Variants in PLD5 observed in about 807,000 individuals in gnomAD.
PLD5 encodes the protein inactive phospholipase D5.
PLD5 carries 36 observed loss-of-function variants against 61.1 expected under a neutral mutation model. That is an observed-to-expected ratio of 0.59 (90% confidence interval 0.45 to 0.78). The LOEUF is 0.78. Among genes scored for constraint, PLD5 ranks in the 30% least tolerant of loss-of-function variants. The pLI, the probability that PLD5 is intolerant of heterozygous loss-of-function variation, is 0.00. For missense variants in PLD5, 515 were observed against 644.4 expected (o/e 0.80, Z 2.17); for synonymous variants, 243 against 242.8 (o/e 1.00, Z -0.01).
rs547350213 is a variant in PLD5, at chr1:242,349,744, T to G, written c.190-1502A>C. Among the ~76,000 whole-genome samples, 5 of 152,332 alleles carry G rather than the reference T, an allele frequency of 3.3e-5. No individual in the cohort carries two copies. In the South Asian group the frequency reaches 8.3e-4, roughly 25 times the overall value. ...GCTGTGACCACTGTGACAAATCATT[T>G]TGACTGCTACAGTCTGAATATTTGT... On this transcript the variant is annotated intron_variant, in intron 1 of 9. Coordinates refer to ENST00000536534, the MANE Select transcript of PLD5 (RefSeq NM_001372062.1).
At chr1:242,105,813 T>G (rs1661008736) in intron 8 of PLD5, among the ~76,000 whole-genome samples, 1 of 145,064 alleles carries the variant, frequency 6.9e-6, no homozygotes, top group African/African-American at 2.5e-5. Context: ...ATAAACTCTA[T>G]CATTAGAGAG....
chr1:242,129,042 A>G (rs1558251399), intron 5 of PLD5, among the ~76,000 whole-genome samples: 1 of 152,176 alleles, frequency 6.6e-6, no homozygotes, highest in Non-Finnish European at 1.5e-5. Flanking sequence ...AAGAATATTT[A>G]TGAACATTCT....
chr1:242,256,895 CTCTT>C lies in PLD5; in HGVS notation c.607+8438_607+8441del, dbSNP rs1222673669. ...TCTTTCTTTTCTCTCCCTCTTCTTT[CTCTT>C]TCTTTTTTCATCTATCTATCTATCT... is the stretch of plus-strand genomic sequence containing the variant. On this transcript the variant is annotated intron_variant, in intron 4 of 9. Coordinates refer to ENST00000536534, the MANE Select transcript of PLD5 (RefSeq NM_001372062.1). This position sits in a 1 kb window ranked among gnomAD's most constrained non-coding sequence, Gnocchi z 5.7. Among the ~76,000 whole-genome samples, 2 of 128,218 alleles carry C rather than the reference CTCTT, an allele frequency of 1.6e-5. No individual in the cohort carries two copies. The highest frequency in any genetic ancestry group is 3.3e-5 in the African/African-American group (1 of 30,418). The allele number at this position is 128,218 out of a possible 152,430, so 84.1% of individuals were successfully genotyped here.
chr1:242,329,520 C>T (rs892716131), intron 2 of PLD5, among the ~76,000 whole-genome samples: 3 of 152,136 alleles, frequency 2.0e-5, no homozygotes, highest in South Asian at 2.1e-4. Context: ...AGGTGATCCA[C>T]GGGACACTAC....
chr1:242,116,779 G>C (rs1469970635), intron 6 of PLD5, among the ~76,000 whole-genome samples: 1 of 152,128 alleles, frequency 6.6e-6, no homozygotes, highest in Non-Finnish European at 1.5e-5. Context: ...ATTCCATGGT[G>C]CATATGTACC....
chr1:242,364,758 G>A (rs1169135658), intron 1 of PLD5, among the ~76,000 whole-genome samples: 1 of 152,116 alleles, frequency 6.6e-6, no homozygotes, highest in African/African-American at 2.4e-5. Context: ...GAAGAGAAGA[G>A]AAGGGCTTTA....
intron 3 of PLD5, among the ~76,000 whole-genome samples, chr1:242,284,261 CT>C (rs1293036517): frequency 2.0e-5 from 3 of 151,124 alleles, no homozygotes; most frequent in African/African-American, 4.9e-5. Context: ...TTTCAGCCTC[CT>C]GGGTAGCTGG....
chr1:242,345,160 A>G (rs1367307037), intron 2 of PLD5, among the ~76,000 whole-genome samples: 1 of 152,192 alleles, frequency 6.6e-6, no homozygotes, highest in East Asian at 1.9e-4. Context: ...CACCCACTGC[A>G]GTTGTGACCA....
chr1:242,107,562 C>T (rs1353392854), intron 8 of PLD5, 109 bp downstream of exon 8: 31 of 1,053,104 alleles, frequency 2.9e-5, no homozygotes, highest in Non-Finnish European at 3.8e-5. Flanking sequence ...TGAAGATTGC[C>T]GTCCTGGTTC....
chr1:242,243,690 G>A (rs1262991709), intron 4 of PLD5, among the ~76,000 whole-genome samples: 1 of 152,150 alleles, frequency 6.6e-6, no homozygotes, highest in East Asian at 1.9e-4. Context: ...GCCAGATCCT[G>A]TCCAACTTGG....
intron 1 of PLD5, among the ~76,000 whole-genome samples, chr1:242,484,897 G>T (rs1184575002): frequency 6.6e-6 from 1 of 152,134 alleles, no homozygotes; most frequent in Non-Finnish European, 1.5e-5. Flanking sequence ...ATGCAAGGCT[G>T]GTTTAACATG....
At chr1:242,508,088 G>A (rs1044869544) in intron 1 of PLD5, among the ~76,000 whole-genome samples, 26 of 151,854 alleles carry the variant, frequency 1.7e-4, no homozygotes, top group African/African-American at 5.8e-4. Flanking sequence ...GTTTGGCTGG[G>A]CACAGTGGCT....
At chr1:242,431,559 C>G (rs1665721318) in intron 1 of PLD5, among the ~76,000 whole-genome samples, 1 of 152,214 alleles carries the variant, frequency 6.6e-6, no homozygotes, top group African/African-American at 2.4e-5. Context: ...CTATATTTCT[C>G]ATCCACAGCT....
intron 1 of PLD5, among the ~76,000 whole-genome samples, chr1:242,512,703 T>G (rs971140979): frequency 3.9e-5 from 6 of 152,178 alleles, no homozygotes; most frequent in Non-Finnish European, 7.3e-5. Flanking sequence ...CTAAAGTGAC[T>G]CCATTTCCCA....
chr1:242,421,621 A>G (rs961365790), intron 1 of PLD5, among the ~76,000 whole-genome samples: 2 of 152,222 alleles, frequency 1.3e-5, no homozygotes, highest in Non-Finnish European at 2.9e-5. Context: ...GGAATCCTAT[A>G]TCAACGAAAG....
At chr1:242,110,089 T>A (rs1661365940) in intron 7 of PLD5, among the ~76,000 whole-genome samples, 1 of 136,680 alleles carries the variant, frequency 7.3e-6, no homozygotes, top group South Asian at 2.3e-4. Flanking sequence ...TTATTATTAT[T>A]ATATTATTAT....
chr1:242,171,231 T>A (rs1212621102), intron 5 of PLD5, among the ~76,000 whole-genome samples: 1 of 152,180 alleles, frequency 6.6e-6, no homozygotes, highest in African/African-American at 2.4e-5. Flanking sequence ...TGGGGGCCAA[T>A]ATTCAACATT....
rs560788600 is a variant in PLD5 at position 242,413,511 on chromosome 1, A to T, written c.190-65269T>A. 9.2e-5 allele frequency among the ~76,000 whole-genome samples: 14 copies of T among 152,304 alleles called. No homozygotes were observed. The South Asian group carries it at 2.9e-3, about 32-fold the overall frequency. The stretch of plus-strand genomic sequence containing the variant: ...ATAGAGATATATACCAAGAACAATG[A>T]ATATTATGGCTGTTTTTCATTGAGA... On this transcript the variant is annotated intron_variant, in intron 1 of 9. Coordinates refer to ENST00000536534, the MANE Select transcript of PLD5 (RefSeq NM_001372062.1).
intron 1 of PLD5, among the ~76,000 whole-genome samples, chr1:242,514,471 A>C (rs1455172501): frequency 1.3e-5 from 2 of 152,194 alleles, no homozygotes; most frequent in African/African-American, 4.8e-5. Flanking sequence ...AACTCCAGAA[A>C]AAGATAACTA....
Sources: gnomAD v4.1 joint callset for allele counts (sites outside exome capture counted in the v4.1 genomes callset) on GRCh38, gnomAD v4.1.1 for gene constraint, Gnocchi (gnomAD v3.1) non-coding constraint, MANE v1.5 for transcripts, NCBI Gene and HGNC (gene_info 2026-07-23, HGNC 2026-07-21) for gene names.